The following SLC25A17 variants were observed in gnomAD, a reference collection of about 807,000 sequenced individuals.
The protein encoded by SLC25A17 is solute carrier family 25 member 17.
A neutral mutation model predicts 38.5 loss-of-function variants in SLC25A17; 26 were observed. The observed-to-expected ratio is 0.68, with a 90% CI of 0.50 to 0.94. The LOEUF is 0.94. Among genes scored for constraint, SLC25A17 ranks in the 40% least tolerant of loss-of-function variants. The pLI is 0.00. For missense variants in SLC25A17, 333 were observed against 372.7 expected (o/e 0.89, Z 0.88); for synonymous variants, 139 against 136.2 (o/e 1.02, Z -0.14).
intron 4 of SLC25A17, chr22:40,780,303 CAAAATA>C (rs2057283077): frequency 6.6e-6 from 1 of 152,120 alleles, no homozygotes; most frequent in Non-Finnish European, 1.5e-5. Flanking sequence ...GCACATTTCT[CAAAATA>C]AAAGGCATCA....
At position 40,789,542 on chromosome 22, in the gene SLC25A17, T is replaced by C. The variant is rs1008583593; in HGVS notation, c.334+2983A>G. On this transcript the variant is annotated intron_variant, in intron 4 of 8. Coordinates refer to ENST00000435456, the MANE Select transcript of SLC25A17 (RefSeq NM_006358.4). This position sits in a 1 kb window ranked among gnomAD's most constrained non-coding sequence, Gnocchi z 4.5. Reference sequence around the variant, plus strand: ...TTATTTAGAGGTAGAGTTTCCCTCTTGTTGCCCAGGCTGGAGTGCAGTGGC... The same window carrying C: ...TTATTTAGAGGTAGAGTTTCCCTCTCGTTGCCCAGGCTGGAGTGCAGTGGC... 2.6e-5 allele frequency among the ~76,000 whole-genome samples: 4 copies of C among 152,184 alleles called. No individual in the cohort carries two copies. The highest frequency in any genetic ancestry group is 5.9e-5 in the Non-Finnish European group (4 of 68,038).
At chr22:40,808,465 C>A (rs1050372991) in intron 1 of SLC25A17, among the ~76,000 whole-genome samples, 11 of 152,212 alleles carry the variant, frequency 7.2e-5, no homozygotes, top group African/African-American at 2.7e-4. Context: ...TACAGAAGTT[C>A]TCAACCTTTT....
intron 1 of SLC25A17, among the ~76,000 whole-genome samples, chr22:40,814,260 T>TTA (rs1273627275): frequency 3.9e-5 from 6 of 152,190 alleles, no homozygotes; most frequent in Non-Finnish European, 8.8e-5. Context: ...CTGTCACTTG[T>TTA]TATAAAAGCC....
At chr22:40,814,259 G>T (rs2057612146) in intron 1 of SLC25A17, among the ~76,000 whole-genome samples, 1 of 152,182 alleles carries the variant, frequency 6.6e-6, no homozygotes, top group Non-Finnish European at 1.5e-5. Flanking sequence ...GCTGTCACTT[G>T]TTATAAAAGC....
At chr22:40,810,346 T>TC (rs1491201735) in intron 1 of SLC25A17, among the ~76,000 whole-genome samples, 2 of 146,390 alleles carry the variant, frequency 1.4e-5, no homozygotes, top group South Asian at 2.2e-4. Context: ...CATTAAATAT[T>TC]CTTTTTTTTT....
At chr22:40,805,076 C>A (rs548253828) in intron 1 of SLC25A17, among the ~76,000 whole-genome samples, 4 of 152,260 alleles carry the variant, frequency 2.6e-5, no homozygotes, top group Non-Finnish European at 5.9e-5. Context: ...TGGCTCACGC[C>A]TGTAATCCTA....
intron 4 of SLC25A17, among the ~76,000 whole-genome samples, chr22:40,783,921 G>C (rs1045435367): frequency 6.6e-5 from 10 of 152,030 alleles, no homozygotes; most frequent in African/African-American, 2.4e-4. Flanking sequence ...GGCCAGGTTG[G>C]TCTCAAACTC....
chr22:40,817,426 T>C (rs2145718506), intron 1 of SLC25A17: 1 of 152,352 alleles, frequency 6.6e-6, no homozygotes, highest in Admixed American at 6.5e-5. Flanking sequence ...CCATACACAC[T>C]TCCCTAGTGA....
chr22:40,778,219 T>C (rs2057264004), intron 5 of SLC25A17, among the ~76,000 whole-genome samples: 1 of 152,180 alleles, frequency 6.6e-6, no homozygotes, highest in South Asian at 2.1e-4. Flanking sequence ...TATAGATCAT[T>C]CTTCAAAAAT....
At chr22:40,809,846 A>C (rs2057563111) in intron 1 of SLC25A17, among the ~76,000 whole-genome samples, 1 of 152,128 alleles carries the variant, frequency 6.6e-6, no homozygotes, top group African/African-American at 2.4e-5. Context: ...ATATACTATC[A>C]TCTAACCTGA....
At chr22:40,779,980 A>C (rs2057280490) in intron 4 of SLC25A17, 1 of 152,500 alleles carries the variant, frequency 6.6e-6, no homozygotes, top group Admixed American at 6.5e-5. Context: ...TTGTTAAATA[A>C]ATAGTGGAAC....
chr22:40,779,098 G>A lies in SLC25A17; in HGVS notation c.362C>T (p.Pro121Leu). The change falls in exon 5 of 9, where the codon CCA becomes CTA. Residue 121 changes from proline to leucine, a missense_variant. By Grantham distance (98) the Pro-to-Leu change is moderately conservative (BLOSUM62 -3). Transcript: ENST00000435456. ...AGVVNVLLTT[P>L]LWVVNTRLKL... ...CAGTCTGGTGTTTACCACCCAGAGTGGAGTTGTTAGCAACACATTAACCAC... is the reference window on the plus strand; with the variant it reads ...CAGTCTGGTGTTTACCACCCAGAGTAGAGTTGTTAGCAACACATTAACCAC... 4 of 1,614,202 alleles carry A rather than the reference G, an allele frequency of 2.5e-6. No individual in the cohort carries two copies. Among genetic ancestry groups the A allele is most frequent in the Non-Finnish European group, 3.4e-6 (4 of 1,180,036 alleles).
At chr22:40,783,671 AACTTG>A (rs766646527) in intron 4 of SLC25A17, among the ~76,000 whole-genome samples, 3 of 151,878 alleles carry the variant, frequency 2.0e-5, no homozygotes, top group East Asian at 1.9e-4. Flanking sequence ...AGACAGCTTT[AACTTG>A]ACTTAACACC....
intron 4 of SLC25A17, among the ~76,000 whole-genome samples, chr22:40,780,931 A>G (rs970026115): frequency 6.6e-6 from 1 of 152,100 alleles, no homozygotes; most frequent in Non-Finnish European, 1.5e-5. Flanking sequence ...GCACTTTGAG[A>G]GGCTGATATG....
intron 1 of SLC25A17, among the ~76,000 whole-genome samples, chr22:40,812,009 A>G (rs1035297091): frequency 1.3e-5 from 2 of 151,186 alleles, no homozygotes; most frequent in East Asian, 3.9e-4. Flanking sequence ...TGACACCTGG[A>G]TTTCTTTCTT....
At chr22:40,785,909 A>G (rs2057333972) in intron 4 of SLC25A17, among the ~76,000 whole-genome samples, 2 of 151,862 alleles carry the variant, frequency 1.3e-5, no homozygotes, top group Admixed American at 1.3e-4. Flanking sequence ...TGCTGGGATT[A>G]TTGACATGAG....
intron 1 of SLC25A17, among the ~76,000 whole-genome samples, chr22:40,814,333 G>A (rs2057612829): frequency 6.6e-6 from 1 of 152,152 alleles, no homozygotes; most frequent in African/African-American, 2.4e-5. Context: ...CCAACACACT[G>A]CCATGATGAA....
At chr22:40,798,694 A>C (rs1384617612) in intron 2 of SLC25A17, among the ~76,000 whole-genome samples, 1 of 132,698 alleles carries the variant, frequency 7.5e-6, no homozygotes, top group Non-Finnish European at 1.6e-5. Flanking sequence ...GAGGCTGGGT[A>C]TGGTGGCTCA....
intron 2 of SLC25A17, among the ~76,000 whole-genome samples, chr22:40,796,492 A>G (rs1303506373): frequency 6.6e-6 from 1 of 151,422 alleles, no homozygotes; most frequent in African/African-American, 2.4e-5. Flanking sequence ...TACAAAAATT[A>G]GCTGGGCATG....
Sources: allele counts gnomAD v4.1 joint callset (sites outside exome capture counted in the v4.1 genomes callset), GRCh38; gene constraint gnomAD v4.1.1; non-coding constraint Gnocchi (gnomAD v3.1); transcripts MANE v1.5; gene names NCBI Gene and HGNC (gene_info 2026-07-23, HGNC 2026-07-21).